The following KIF18A variants were observed in gnomAD, a reference collection of about 807,000 sequenced individuals.
KIF18A encodes kinesin family member 18A.
Under a neutral mutation model 103.3 loss-of-function variants are expected in KIF18A, and 67 were observed. The observed-to-expected ratio is 0.65, with a 90% CI of 0.53 to 0.79. The LOEUF is 0.79. Ranked by LOEUF, KIF18A falls within the 30% of genes least tolerant of loss-of-function variation. KIF18A has a pLI of 0.00. For synonymous variants in KIF18A, 367 were observed against 355.5 expected (o/e 1.03, Z -0.36); for missense variants, 1,032 against 1,062.5 (o/e 0.97, Z 0.40).
At chr11:28,051,620 T>C (rs1215216030) in intron 13 of KIF18A, among the ~76,000 whole-genome samples, 5 of 152,014 alleles carry the variant, frequency 3.3e-5, no homozygotes, top group African/African-American at 7.2e-5. Context: ...ACTACATAAA[T>C]GTTTTAACTT....
In KIF18A at chr11:28,023,813, A is replaced by T; in HGVS notation, c.2542T>A (p.Ser848Thr). 6.2e-7 allele frequency: 1 copy of T among 1,613,106 alleles called. No individual in the cohort carries two copies. The highest frequency in any genetic ancestry group is 8.5e-7 in the Non-Finnish European group (1 of 1,179,312). The change falls in exon 16 of 17, where the codon TCT becomes ACT. Residue 848 changes from serine (S) to threonine (T), a missense_variant. Ser to Thr is a moderately conservative substitution (Grantham distance 58, BLOSUM62 1). Transcript: ENST00000263181. ...SNSSLTADVN[S>T]GFAKRVRQDN... Reference sequence around the variant, plus strand: ...TGTCGAACACGTTTGGCAAATCCAGAATTTACGTCTGCAGTTAACGAACTG... The same window carrying T: ...TGTCGAACACGTTTGGCAAATCCAGTATTTACGTCTGCAGTTAACGAACTG...
At chr11:28,074,337 A>G (rs1851062089) in intron 10 of KIF18A, among the ~76,000 whole-genome samples, 1 of 152,148 alleles carries the variant, frequency 6.6e-6, no homozygotes. Flanking sequence ...AAGTCATTAC[A>G]TTTATCAAAG....
rs771891521 is a variant in KIF18A, at chr11:28,088,618, G to C, written c.803C>G (p.Ser268Cys). Residue 268 changes from serine to cysteine, a missense_variant, in exon 6 of 17, where the codon TCC becomes TGC. Physicochemically the swap from Ser to Cys is moderately radical, Grantham distance 112 (BLOSUM62 -1). Coordinates refer to ENST00000263181, the MANE Select transcript of KIF18A (RefSeq NM_031217.4). Reference protein sequence around the residue: ...DLAGSERASTSGAKGTRFVEG... With the variant: ...DLAGSERASTCGAKGTRFVEG... ...TACAAATCGGGTCCCCTTAGCACCG[G>C]AAGTACTTGCTCGCTCAGATCCTGC... The C allele has an allele frequency of 6.2e-7, 1 of 1,613,994 alleles. No homozygotes were observed. The highest frequency in any genetic ancestry group is 1.1e-5 in the South Asian group (1 of 91,074).
intron 7 of KIF18A, among the ~76,000 whole-genome samples, chr11:28,083,546 C>T (rs975443031): frequency 1.1e-4 from 16 of 152,112 alleles, no homozygotes; most frequent in Middle Eastern, 3.2e-3. Context: ...TTTCATGCTA[C>T]CCTTTCAGGA....
At position 28,026,100 on chromosome 11, in the gene KIF18A, A is replaced by G. The variant is rs571602121; in HGVS notation, c.2505-2250T>C. ...TAACATTATGTATGCATTATATTTA[A>G]ATATTTGATAGGCTAATCAATTTAG... On this transcript the variant is annotated intron_variant, in intron 15 of 16. Coordinates refer to ENST00000263181, the MANE Select transcript of KIF18A (RefSeq NM_031217.4). 2.6e-5 allele frequency among the ~76,000 whole-genome samples: 4 copies of G among 152,002 alleles called. No homozygotes were observed. In the East Asian group the frequency reaches 7.7e-4, roughly 29 times the overall value.
In KIF18A at chr11:28,090,704, T is replaced by C. The variant is rs1851289779; in HGVS notation, c.612A>G (p.Leu204=). The change falls in exon 5 of 17, where the codon TTA becomes TTG. Residue 204 remains leucine, a synonymous_variant. Transcript: ENST00000263181. ...TTTTGTTTCCATTATCCAATAAATG[T>C]AAAATTTCTTCTGAGGATTTGGGCT... ...LHQPKSSEEI[L]HLLDNGNKNR... 3 of 1,602,942 alleles carry C rather than the reference T, an allele frequency of 1.9e-6. No homozygotes were observed. Among genetic ancestry groups the C allele is most frequent in the Admixed American group, 1.7e-5 (1 of 59,760 alleles).
intron 9 of KIF18A, among the ~76,000 whole-genome samples, chr11:28,079,857 T>C (rs1291008423): frequency 6.6e-6 from 1 of 152,054 alleles, no homozygotes; most frequent in Non-Finnish European, 1.5e-5. Context: ...ATGGGTCAAT[T>C]TGGAAAACTG....
At chr11:28,100,567 G>C (rs2133568530) in intron 1 of KIF18A, among the ~76,000 whole-genome samples, 1 of 150,672 alleles carries the variant, frequency 6.6e-6, no homozygotes, top group East Asian at 2.0e-4. Context: ...GTGAAGGGGG[G>C]GGGTGGTGTC....
At position 28,050,645 on chromosome 11, in the gene KIF18A, T is replaced by C. The variant is rs1850700118; in HGVS notation, c.1948+8281A>G. ...AAGGAAAGGTTACAGACAGAAGTAT[T>C]ACCAAATGTGAGTTTCCAGATGGAT... On this transcript the variant is annotated intron_variant, in intron 13 of 16. Coordinates refer to ENST00000263181, the MANE Select transcript of KIF18A (RefSeq NM_031217.4). Among the ~76,000 whole-genome samples, 5 of 151,828 alleles carry C rather than the reference T, an allele frequency of 3.3e-5. No homozygotes were observed. In the South Asian group the frequency reaches 1.0e-3, roughly 31 times the overall value.
intron 4 of KIF18A, 61 bp downstream of exon 4, chr11:28,091,348 G>A: frequency 2.3e-6 from 2 of 876,290 alleles, no homozygotes; most frequent in South Asian, 1.6e-5. Flanking sequence ...CATGGCTGGT[G>A]AAAATAGCTT....
intron 15 of KIF18A, among the ~76,000 whole-genome samples, chr11:28,024,857 T>A: frequency 6.6e-6 from 1 of 151,826 alleles, no homozygotes; most frequent in Admixed American, 6.6e-5. Context: ...TATATAGTAA[T>A]CCCCCTTATC....
intron 12 of KIF18A, 57 bp downstream of exon 12, chr11:28,062,338 C>A: frequency 6.8e-7 from 1 of 1,462,510 alleles, no homozygotes; most frequent in African/African-American, 1.4e-5. Context: ...GAAAATTGAA[C>A]TTCTGTGCTT....
intron 15 of KIF18A, among the ~76,000 whole-genome samples, chr11:28,025,345 G>A (rs1322524723): frequency 6.6e-6 from 1 of 151,978 alleles, no homozygotes; most frequent in Non-Finnish European, 1.5e-5. Flanking sequence ...GTCCAAGGCA[G>A]AAATTCTTTT....
intron 15 of KIF18A, 67 bp downstream of exon 15, chr11:28,035,320 T>C (rs1256646081): frequency 1.4e-6 from 1 of 690,144 alleles, no homozygotes; most frequent in Non-Finnish European, 2.3e-6. Context: ...AAAAAAGCAA[T>C]AGCATATAAT....
intron 1 of KIF18A, among the ~76,000 whole-genome samples, chr11:28,103,229 G>C (rs1259971080): frequency 6.6e-6 from 1 of 151,648 alleles, no homozygotes; most frequent in East Asian, 1.9e-4. Context: ...AACTTTGTGA[G>C]CACCAACATG....
chr11:28,074,159 A>T (rs1851059819), intron 10 of KIF18A, among the ~76,000 whole-genome samples: 3 of 152,132 alleles, frequency 2.0e-5, no homozygotes, highest in Admixed American at 2.0e-4. Context: ...AAAATAAAAT[A>T]AAATAAACAT....
chr11:28,094,763 G>A lies in KIF18A; in HGVS notation c.363C>T (p.His121=). 1 of 1,613,966 alleles carries A rather than the reference G, an allele frequency of 6.2e-7. No individual in the cohort carries two copies. Among genetic ancestry groups the A allele is most frequent in the Non-Finnish European group, 8.5e-7 (1 of 1,179,896 alleles). ...AYGATGAGKT[H]TMLGSADEPG... is the part of the protein sequence containing the mutation. ...GTTCATCAGCTGATCCTAGCATAGT[G>A]TGGGTCTTCCCAGCACCAGTGGCAC... Residue 121 remains histidine, a synonymous_variant, in exon 3 of 17, where the codon CAC becomes CAT. Coordinates refer to ENST00000263181, the MANE Select transcript of KIF18A (RefSeq NM_031217.4).
At chr11:28,039,332 T>C (rs567078478) in intron 13 of KIF18A, among the ~76,000 whole-genome samples, 10 of 151,838 alleles carry the variant, frequency 6.6e-5, no homozygotes, top group African/African-American at 2.2e-4. Flanking sequence ...TTATCAGATA[T>C]CCAGTTTATC....
intron 15 of KIF18A, among the ~76,000 whole-genome samples, chr11:28,027,281 A>G (rs762810674): frequency 4.6e-5 from 7 of 152,032 alleles, no homozygotes; most frequent in Non-Finnish European, 7.4e-5. Context: ...CATTCAATTT[A>G]TAGGATATAA....
Sources: allele counts gnomAD v4.1 joint callset (sites outside exome capture counted in the v4.1 genomes callset), GRCh38; gene constraint gnomAD v4.1.1; transcripts MANE v1.5; gene names NCBI Gene and HGNC (gene_info 2026-07-23, HGNC 2026-07-21).